The following GDF11 variants were observed in gnomAD, a reference collection of about 807,000 sequenced individuals.
The protein encoded by GDF11 is growth/differentiation factor 11.
In GDF11, 12 loss-of-function variants were observed where a neutral mutation model predicts 34.4. The ratio of observed to expected loss-of-function variants is 0.35; its 90% CI spans 0.22 to 0.57. The LOEUF (loss-of-function observed/expected upper bound fraction) is 0.57. Ranked by LOEUF, GDF11 falls within the 20% of genes least tolerant of loss-of-function variation. The pLI, the probability that GDF11 is intolerant of heterozygous loss-of-function variation, is 0.86. For synonymous variants in GDF11, 212 were observed against 231.1 expected (o/e 0.92, Z 0.75); for missense variants, 346 against 548.2 (o/e 0.63, Z 3.68).
rs748861162 is a variant in GDF11, at chr12:55,743,757, G to T, written c.441G>T (p.Gln147His). 49 of 1,554,188 alleles carry T rather than the reference G, an allele frequency of 3.2e-5. No individual in the cohort carries two copies. The highest frequency in any genetic ancestry group is 4.2e-5 in the Non-Finnish European group (49 of 1,153,000). The change falls in exon 1 of 3, where the codon CAG becomes CAT. Residue 147 changes from glutamine (Q) to histidine (H), a missense_variant. Gln to His is a conservative substitution (Grantham distance 24). Around this residue, in one of 3 missense-constraint regions of GDF11, gnomAD observed 141 missense variants for 213.8 expected, o/e 0.66. Coordinates refer to ENST00000257868, the MANE Select transcript of GDF11 (RefSeq NM_005811.5). The part of the protein sequence containing the change: ...ATTETVISMA[Q>H]ETDPAVQTDG... ...CCGAGACCGTCATTAGCATGGCCCA[G>T]GAGAGTAAGTGGGCTGCGGGGCGCG...
rs568032517 is a variant in GDF11 at position 55,746,374 on chromosome 12, C to T, written c.446-2212C>T. On this transcript the variant is annotated intron_variant, in intron 1 of 2. Coordinates refer to ENST00000257868, the MANE Select transcript of GDF11 (RefSeq NM_005811.5). ...TCTCAAACTCTCAAACTTATTCTCC[C>T]TTTGCCATGATTATCCCCTGCATCT... Among the ~76,000 whole-genome samples, 4 of 152,346 alleles carry T rather than the reference C, an allele frequency of 2.6e-5. No individual in the cohort carries two copies. The South Asian group carries it at 8.3e-4, about 32-fold the overall frequency.
At position 55,748,536 on chromosome 12, in the gene GDF11, T is replaced by A; in HGVS notation, c.446-50T>A. 2 of 1,529,476 alleles carry A rather than the reference T, an allele frequency of 1.3e-6. No homozygotes were observed. Among genetic ancestry groups the A allele is most frequent in the Non-Finnish European group, 1.8e-6 (2 of 1,135,040 alleles). The allele number at this position is 1,529,476 out of a possible 1,614,324, so 94.7% of individuals were successfully genotyped here. Reference sequence around the variant, plus strand: ...TGCCAGTGCCACCCAGGACTACTGATCCCCTACACAAACACCCTTTGCTGA... The same window carrying A: ...TGCCAGTGCCACCCAGGACTACTGAACCCCTACACAAACACCCTTTGCTGA... On this transcript the variant is annotated intron_variant, in intron 1 of 2. Transcript: ENST00000257868. The surrounding 1 kb of genome is among the most constrained non-coding windows in gnomAD (Gnocchi z 5.6).
In GDF11 at chr12:55,744,641, A is replaced by AC. The variant is rs200061118; in HGVS notation, c.445+887dup. 1.3e-3 allele frequency among the ~76,000 whole-genome samples: 183 copies of AC among 145,670 alleles called. 4 individuals are homozygous for AC. In the East Asian group the frequency reaches 0.028, roughly 22 times the overall value. Reference sequence around the variant, plus strand: ...CCTGGAAAATCCAGGCGAATACTACACCCCCCCTTTTCCAGCTCTCCTTAG... The same window carrying AC: ...CCTGGAAAATCCAGGCGAATACTACACCCCCCCCTTTTCCAGCTCTCCTTAG... On this transcript the variant is annotated intron_variant, in intron 1 of 2. Coordinates refer to ENST00000257868, the MANE Select transcript of GDF11 (RefSeq NM_005811.5).
intron 1 of GDF11, 43 bp downstream of exon 1, chr12:55,743,804 G>A (rs1878119402): frequency 6.9e-7 from 1 of 1,439,372 alleles, no homozygotes; most frequent in African/African-American, 1.4e-5. Flanking sequence ...GCTGGCTCTG[G>A]CCCCGCGAAG....
rs1477920148 is a variant in GDF11 at position 55,749,914 on chromosome 12, C to A, written c.*32C>A. On this transcript the variant is annotated 3_prime_UTR_variant, in exon 3 of 3. Coordinates refer to ENST00000257868, the MANE Select transcript of GDF11 (RefSeq NM_005811.5). This position sits in a 1 kb window ranked among gnomAD's most constrained non-coding sequence, Gnocchi z 5.6. ...GGATAGAGGATGCCTCCCCCACAGACCCTACCCCAAGACCCCTAGCCCTGC... is the reference window on the plus strand; with the variant it reads ...GGATAGAGGATGCCTCCCCCACAGAACCTACCCCAAGACCCCTAGCCCTGC... The A allele has an allele frequency of 1.3e-6, 2 of 1,572,418 alleles. No individual in the cohort carries two copies. The highest frequency in any genetic ancestry group is 8.7e-7 in the Non-Finnish European group (1 of 1,154,192).
rs1387215563 is a variant in GDF11, at chr12:55,756,726, G to GT, written c.*6845dup. 2 of 152,314 alleles carry GT rather than the reference G, an allele frequency of 1.3e-5. No individual in the cohort carries two copies. Among genetic ancestry groups the GT allele is most frequent in the East Asian group, 1.9e-4 (1 of 5,186 alleles). 9.4% of individuals were successfully genotyped at this position (152,314 alleles called of 1,614,324 possible). On this transcript the variant is annotated 3_prime_UTR_variant, in exon 3 of 3. Coordinates refer to ENST00000257868, the MANE Select transcript of GDF11 (RefSeq NM_005811.5). ...TTCCCAATGATTTAGCTAACAATGC[G>GT]TAACAGCTCTGACATCCTCTGTCAT...
chr12:55,744,648 C>G (rs1177745634), intron 1 of GDF11, among the ~76,000 whole-genome samples: 1 of 150,890 alleles, frequency 6.6e-6, no homozygotes, highest in African/African-American at 2.4e-5. Context: ...TACACCCCCC[C>G]TTTTCCAGCT....
chr12:55,747,961 T>C (rs1878219687), intron 1 of GDF11, among the ~76,000 whole-genome samples: 1 of 152,178 alleles, frequency 6.6e-6, no homozygotes, highest in Non-Finnish European at 1.5e-5. Context: ...GGGAGACAGA[T>C]GTATAGGAAG....
chr12:55,749,354 C>A lies in GDF11; in HGVS notation c.844-148C>A. On this transcript the variant is annotated intron_variant, in intron 2 of 2. Transcript: ENST00000257868. This position sits in a 1 kb window ranked among gnomAD's most constrained non-coding sequence, Gnocchi z 5.6. ...CTAGCTAGCTGGCAAGAAAAGTGGG[C>A]AAAAGATAAATTCTGGGGGTGGGAG... is the stretch of plus-strand genomic sequence containing the variant. 1.1e-6 allele frequency: 1 copy of A among 869,744 alleles called. No homozygotes were observed. Among genetic ancestry groups the A allele is most frequent in the Non-Finnish European group, 1.7e-6 (1 of 575,280 alleles). 53.9% of individuals were successfully genotyped at this position (869,744 alleles called of 1,614,324 possible).
In GDF11 at chr12:55,754,254, T is replaced by C. The variant is rs1035163372; in HGVS notation, c.*4372T>C. On this transcript the variant is annotated 3_prime_UTR_variant, in exon 3 of 3. Transcript: ENST00000257868. Reference sequence around the variant, plus strand: ...CCCTGTGGCTCATTTGTTTCCTATATTGAGAGAACACCCAAAAAAAGACTA... The same window carrying C: ...CCCTGTGGCTCATTTGTTTCCTATACTGAGAGAACACCCAAAAAAAGACTA... 2.0e-5 allele frequency: 3 copies of C among 152,224 alleles called. No homozygotes were observed. The highest frequency in any genetic ancestry group is 1.9e-4 in the East Asian group (1 of 5,198). 9.4% of individuals were successfully genotyped at this position (152,224 alleles called of 1,614,324 possible). A position where few individuals can be genotyped will look rare whatever the true frequency, so the allele number is the denominator to read the frequency against.
intron 1 of GDF11, among the ~76,000 whole-genome samples, chr12:55,746,645 G>A (rs910826488): frequency 4.6e-5 from 7 of 152,238 alleles, no homozygotes; most frequent in Non-Finnish European, 1.0e-4. Context: ...CTTAGGTAGA[G>A]GGAGGGTTAT....
chr12:55,750,571 A>C lies in GDF11; in HGVS notation c.*689A>C, dbSNP rs1376606998. On this transcript the variant is annotated 3_prime_UTR_variant, in exon 3 of 3. Coordinates refer to ENST00000257868, the MANE Select transcript of GDF11 (RefSeq NM_005811.5). ...TATTCCCCAAACCCTGCTCTCCCCA[A>C]CACCTACTCACTTAAGCACTTGTAT... 1 of 152,106 alleles carries C rather than the reference A, an allele frequency of 6.6e-6. No homozygotes were observed. The highest frequency in any genetic ancestry group is 1.9e-4 in the East Asian group (1 of 5,190). The allele number at this position is 152,106 out of a possible 1,614,324, so 9.4% of individuals were successfully genotyped here. A position where few individuals can be genotyped will look rare whatever the true frequency, so the allele number is the denominator to read the frequency against.
intron 1 of GDF11, among the ~76,000 whole-genome samples, chr12:55,744,281 C>CA (rs922942961): frequency 7.2e-4 from 109 of 152,294 alleles, no homozygotes; most frequent in African/African-American, 2.4e-3. Flanking sequence ...GAGCCCTGTA[C>CA]ACCTCCTGGC....
In GDF11 at chr12:55,757,257, A is replaced by C. The variant is rs992764276; in HGVS notation, c.*7375A>C. 2 of 339,440 alleles carry C rather than the reference A, an allele frequency of 5.9e-6. No individual in the cohort carries two copies. Among genetic ancestry groups the C allele is most frequent in the Non-Finnish European group, 1.1e-5 (2 of 184,996 alleles). 21.0% of individuals were successfully genotyped at this position (339,440 alleles called of 1,614,324 possible). A position where few individuals can be genotyped will look rare whatever the true frequency, so the allele number is the denominator to read the frequency against. The stretch of plus-strand genomic sequence containing the variant: ...CTCCAATAAATCAAAGGAGCACCTA[A>C]TAAAACACATTGTTCTCTTTTCTAT... On this transcript the variant is annotated 3_prime_UTR_variant, in exon 3 of 3. Coordinates refer to ENST00000257868, the MANE Select transcript of GDF11 (RefSeq NM_005811.5).
chr12:55,746,187 C>G (rs1227159247), intron 1 of GDF11, among the ~76,000 whole-genome samples: 1 of 152,128 alleles, frequency 6.6e-6, no homozygotes, highest in African/African-American at 2.4e-5. Flanking sequence ...GGTACTCTCT[C>G]GAGCCCCGTT....
Position 55,749,536 on chromosome 12 carries a change from C to T in GDF11, c.878C>T (p.Thr293Ile), listed in dbSNP as rs752832892. 21 of 1,613,208 alleles carry T rather than the reference C, an allele frequency of 1.3e-5. No homozygotes were observed. Among genetic ancestry groups the T allele is most frequent in the Non-Finnish European group, 1.8e-5 (21 of 1,179,334 alleles). Residue 293 changes from threonine to isoleucine, a missense_variant, in exon 3 of 3, where the codon ACA (threonine) becomes ATA (isoleucine). Physicochemically the swap from Thr to Ile is moderately conservative, Grantham distance 89. This residue lies in a region of GDF11 where 205 missense variants were observed against 311.3 expected (regional missense o/e 0.66). Transcript: ENST00000257868. This position sits in a 1 kb window ranked among gnomAD's most constrained non-coding sequence, Gnocchi z 5.6. ...PFMELRVLEN[T>I]KRSRRNLGLD... ...ATGGAGCTTCGAGTCCTAGAGAACA[C>T]AAAACGTTCCCGGCGGAACCTGGGT...
At chr12:55,744,855 G>A (rs1878147366) in intron 1 of GDF11, among the ~76,000 whole-genome samples, 1 of 152,126 alleles carries the variant, frequency 6.6e-6, no homozygotes, top group Admixed American at 6.5e-5. Context: ...TGGCAGATGG[G>A]TCATAAAAAG....
Position 55,748,815 on chromosome 12 carries a change from G to T in GDF11, c.675G>T (p.Lys225Asn). 1 of 1,614,122 alleles carries T rather than the reference G, an allele frequency of 6.2e-7. No individual in the cohort carries two copies. Among genetic ancestry groups the T allele is most frequent in the Non-Finnish European group, 8.5e-7 (1 of 1,180,032 alleles). The change falls in exon 2 of 3, where the codon AAG becomes AAT. Residue 225 changes from lysine to asparagine, a missense_variant. By Grantham distance (94) the Lys-to-Asn change is moderately conservative (BLOSUM62 0). Transcript: ENST00000257868. The surrounding 1 kb of genome is among the most constrained non-coding windows in gnomAD (Gnocchi z 5.6). ...GTCACATCCGTATCCGCTCACTGAAGATTGAGCTGCACTCACGCTCAGGCC... is the reference window on the plus strand; with the variant it reads ...GTCACATCCGTATCCGCTCACTGAATATTGAGCTGCACTCACGCTCAGGCC... ...GRRHIRIRSL[K>N]IELHSRSGHW...
Position 55,749,906 on chromosome 12 carries a change from C to T in GDF11, c.*24C>T. The stretch of plus-strand genomic sequence containing the variant: ...AAGGTGGGGGATAGAGGATGCCTCC[C>T]CCACAGACCCTACCCCAAGACCCCT... On this transcript the variant is annotated 3_prime_UTR_variant, in exon 3 of 3. Transcript: ENST00000257868. The surrounding 1 kb of genome is among the most constrained non-coding windows in gnomAD (Gnocchi z 5.6). The T allele has an allele frequency of 1.3e-6, 2 of 1,583,934 alleles. No individual in the cohort carries two copies. The highest frequency in any genetic ancestry group is 2.3e-5 in the South Asian group (2 of 86,718).
Sources: allele counts gnomAD v4.1 joint callset (sites outside exome capture counted in the v4.1 genomes callset), GRCh38; gene constraint gnomAD v4.1.1; regional missense constraint gnomAD v4.1.1; non-coding constraint Gnocchi (gnomAD v3.1); transcripts MANE v1.5; gene names NCBI Gene and HGNC (gene_info 2026-07-23, HGNC 2026-07-21).